Variants in WWOX observed in about 807,000 individuals in gnomAD.
The protein encoded by WWOX is WW domain containing oxidoreductase.
A neutral mutation model predicts 46.2 loss-of-function variants in WWOX; 69 were observed. That is an observed-to-expected ratio of 1.49 (90% CI 1.23 to 1.82). The LOEUF (loss-of-function observed/expected upper bound fraction) is 1.82, where lower values mean the gene tolerates loss of function less well. WWOX is among the 40% of genes most tolerant of loss of function. WWOX has a pLI of 0.00. For missense variants in WWOX, 919 were observed against 542.6 expected (o/e 1.69, Z -6.89); for synonymous variants, 359 against 202.6 (o/e 1.77, Z -6.56).
chr16:78,510,020 C>T (rs1454609006), intron 8 of WWOX, among the ~76,000 whole-genome samples: 1 of 151,946 alleles, frequency 6.6e-6, no homozygotes, highest in Non-Finnish European at 1.5e-5. Context: ...CATGATTGTG[C>T]CACTGCTCTC....
intron 8 of WWOX, among the ~76,000 whole-genome samples, chr16:78,569,442 A>G (rs1358390692): frequency 6.6e-6 from 1 of 152,204 alleles, no homozygotes; most frequent in African/African-American, 2.4e-5. Context: ...ATCATAAACC[A>G]TTTAAGGAGC....
At chr16:78,424,718 A>T in intron 6 of WWOX, 152 bp from the exon 7 acceptor site, 1 of 920,438 alleles carries the variant, frequency 1.1e-6, no homozygotes, top group Non-Finnish European at 1.8e-6. Context: ...GGGAATCTAG[A>T]AGACGGAGAA....
At chr16:78,250,700 C>T (rs917937444) in intron 5 of WWOX, among the ~76,000 whole-genome samples, 1 of 152,110 alleles carries the variant, frequency 6.6e-6, no homozygotes, top group Admixed American at 6.5e-5. Context: ...CTGGATAGTA[C>T]AACTGCCCAC....
chr16:78,523,753 C>T (rs1406187749), intron 8 of WWOX, among the ~76,000 whole-genome samples: 1 of 152,154 alleles, frequency 6.6e-6, no homozygotes, highest in Non-Finnish European at 1.5e-5. Context: ...TGATGTCCAG[C>T]ACAACGTCTG....
intron 8 of WWOX, among the ~76,000 whole-genome samples, chr16:78,624,568 A>C (rs955392133): frequency 7.2e-5 from 11 of 152,152 alleles, no homozygotes; most frequent in African/African-American, 2.2e-4. Context: ...TAAACAGACT[A>C]ATCTAATAGC....
intron 8 of WWOX, among the ~76,000 whole-genome samples, chr16:78,759,003 C>G (rs370774508): frequency 1.1e-4 from 17 of 150,458 alleles, no homozygotes; most frequent in African/African-American, 3.7e-4. Context: ...GTGTTTAATT[C>G]GAAGCTCCTG....
chr16:78,645,083 C>T (rs369631463), intron 8 of WWOX, among the ~76,000 whole-genome samples: 4 of 152,158 alleles, frequency 2.6e-5, no homozygotes, highest in Admixed American at 1.3e-4. Flanking sequence ...AAATTCTTCT[C>T]TAAACCCCAA....
chr16:79,122,473 T>G (rs1219907114), intron 8 of WWOX, among the ~76,000 whole-genome samples: 1 of 152,046 alleles, frequency 6.6e-6, no homozygotes, highest in East Asian at 1.9e-4. Context: ...TTCTGTTTCT[T>G]TCCTTCTCTT....
chr16:78,917,514 C>T (rs1338145968), intron 8 of WWOX, among the ~76,000 whole-genome samples: 1 of 151,964 alleles, frequency 6.6e-6, no homozygotes, highest in Admixed American at 6.6e-5. Context: ...TTCAAGACTT[C>T]ATGAAGTCAA....
intron 8 of WWOX, among the ~76,000 whole-genome samples, chr16:78,511,281 G>T (rs554292138): frequency 6.6e-6 from 1 of 152,140 alleles, no homozygotes; most frequent in Non-Finnish European, 1.5e-5. Context: ...TTTCCCTTCC[G>T]TCAAGCCTTT....
At chr16:78,612,663 C>T (rs996697974) in intron 8 of WWOX, among the ~76,000 whole-genome samples, 1 of 152,142 alleles carries the variant, frequency 6.6e-6, no homozygotes, top group African/African-American at 2.4e-5. Flanking sequence ...TCTGTAGAGA[C>T]AGAGACTTGC....
At chr16:78,190,057 A>G (rs1265473103) in intron 5 of WWOX, among the ~76,000 whole-genome samples, 11 of 152,214 alleles carry the variant, frequency 7.2e-5, no homozygotes, top group African/African-American at 2.2e-4. Flanking sequence ...CTTGGTATTA[A>G]TAGCTCCATC....
At chr16:78,406,182 G>C (rs559613734) in intron 6 of WWOX, among the ~76,000 whole-genome samples, 2 of 150,758 alleles carry the variant, frequency 1.3e-5, no homozygotes, top group East Asian at 2.0e-4. Flanking sequence ...CACTGCGTCA[G>C]TTTACTATTA....
chr16:78,926,328 G>A lies in WWOX; in HGVS notation c.1057-285280G>A, dbSNP rs550506531. 7.3e-5 allele frequency among the ~76,000 whole-genome samples: 11 copies of A among 151,498 alleles called. No homozygotes were observed. In the South Asian group the frequency reaches 2.1e-3, roughly 29 times the overall value. On this transcript the variant is annotated intron_variant, in intron 8 of 8. Coordinates refer to ENST00000566780, the MANE Select transcript of WWOX (RefSeq NM_016373.4). ...GTGGAGATTGCAGTGAGCCATGCTC[G>A]TGCCATTGCATTTCAGCGTGGGTGA...
At chr16:78,897,923 G>T (rs773235800) in intron 8 of WWOX, 4 of 151,986 alleles carry the variant, frequency 2.6e-5, no homozygotes, top group Admixed American at 6.6e-5. Flanking sequence ...AGTGACTAAT[G>T]CCTCTTTTTA....
intron 8 of WWOX, among the ~76,000 whole-genome samples, chr16:79,090,752 G>A (rs1459222452): frequency 1.3e-5 from 2 of 152,202 alleles, no homozygotes; most frequent in Admixed American, 1.3e-4. Context: ...GCCAGGAGGA[G>A]AGACTGAGGA....
intron 8 of WWOX, among the ~76,000 whole-genome samples, chr16:78,831,223 C>G (rs982418800): frequency 1.3e-5 from 2 of 152,124 alleles, no homozygotes; most frequent in African/African-American, 4.8e-5. Flanking sequence ...GTCATGTTTT[C>G]CCTCCAGCCC....
chr16:78,862,194 C>T (rs976355651), intron 8 of WWOX, among the ~76,000 whole-genome samples: 6 of 151,632 alleles, frequency 4.0e-5, no homozygotes, highest in African/African-American at 1.2e-4. Context: ...GTGTGTCTGT[C>T]TGTATCTTTA....
chr16:79,087,626 G>A (rs572335508), intron 8 of WWOX, among the ~76,000 whole-genome samples: 1 of 152,186 alleles, frequency 6.6e-6, no homozygotes, highest in Non-Finnish European at 1.5e-5. Flanking sequence ...AGGCAGAGAA[G>A]AATTACCTGC....
Sources: allele counts gnomAD v4.1 joint callset (sites outside exome capture counted in the v4.1 genomes callset), GRCh38; gene constraint gnomAD v4.1.1; transcripts MANE v1.5; gene names NCBI Gene and HGNC (gene_info 2026-07-23, HGNC 2026-07-21).